GABRG3: variants seen among roughly 807,000 people sequenced by gnomAD.
GABRG3 encodes gamma-aminobutyric acid type A receptor subunit gamma3, also known as gamma-aminobutyric acid receptor subunit gamma-3.
GABRG3 carries 25 observed loss-of-function variants against 48.8 expected under a neutral mutation model. That is an observed-to-expected ratio of 0.51 (90% CI 0.37 to 0.72). The LOEUF is 0.72. GABRG3 is among the 30% of genes least tolerant of loss of function. The pLI is 0.00. For synonymous variants in GABRG3, 227 were observed against 217.6 expected, an observed-to-expected ratio of 1.04 and a Z score of -0.38; for missense variants, 394 against 577.9, an observed-to-expected ratio of 0.68 and a Z score of 3.26.
At chr15:27,234,746 A>G (rs535270844) in intron 3 of GABRG3, among the ~76,000 whole-genome samples, 1 of 152,230 alleles carries the variant, frequency 6.6e-6, no homozygotes, top group South Asian at 2.1e-4. Flanking sequence ...TCTCTTATGG[A>G]TGACTAAAGA....
intron 5 of GABRG3, among the ~76,000 whole-genome samples, chr15:27,391,869 G>A (rs1257878767): frequency 2.6e-5 from 4 of 152,194 alleles, no homozygotes; most frequent in Non-Finnish European, 5.9e-5. Context: ...CAATCAGCAT[G>A]AACTTAGGAG....
chr15:26,994,737 A>G (rs1391221597), intron 2 of GABRG3, among the ~76,000 whole-genome samples: 2 of 151,704 alleles, frequency 1.3e-5, no homozygotes, highest in African/African-American at 4.8e-5. Flanking sequence ...TGTGTTCTTC[A>G]TTTTCCACAC....
intron 2 of GABRG3, among the ~76,000 whole-genome samples, chr15:27,020,794 T>C (rs1895880188): frequency 6.6e-6 from 1 of 152,220 alleles, no homozygotes; most frequent in Admixed American, 6.5e-5. Context: ...CTCTCTACTT[T>C]TTCCTCTCCA....
At chr15:27,374,543 C>A (rs2140558831) in intron 5 of GABRG3, among the ~76,000 whole-genome samples, 1 of 152,250 alleles carries the variant, frequency 6.6e-6, no homozygotes, top group Middle Eastern at 3.4e-3. Context: ...TCCATACACC[C>A]TGGTTGTATA....
In GABRG3 at chr15:26,976,494, C is replaced by G. The variant is rs61999630; in HGVS notation, c.54-508C>G. On this transcript the variant is annotated intron_variant, in intron 1 of 9. Coordinates refer to ENST00000615808, the MANE Select transcript of GABRG3 (RefSeq NM_033223.5). The surrounding 1 kb of genome is among the most constrained non-coding windows in gnomAD (Gnocchi z 7.8). ...GCTCAAGTGCCTAGACCCCCAGATT[C>G]CCGCCTCCAAGAGAAGCACTGAGTC... Among the ~76,000 whole-genome samples the G allele has an allele frequency of 0.25, 38,667 of 152,046 alleles. 6,032 individuals carry two copies. The highest frequency in any genetic ancestry group is 0.35 in the Non-Finnish European group (23,870 of 67,964).
At chr15:27,154,789 C>CT (rs552476362) in intron 3 of GABRG3, among the ~76,000 whole-genome samples, 3 of 151,818 alleles carry the variant, frequency 2.0e-5, no homozygotes, top group Non-Finnish European at 2.9e-5. Flanking sequence ...TTGGTTTATA[C>CT]TTTTTTTTGT....
At chr15:26,984,688 G>GA (rs35422710) in intron 2 of GABRG3, among the ~76,000 whole-genome samples, 59,285 of 151,802 alleles carry the variant, frequency 0.39, 12,749 homozygotes, top group Middle Eastern at 0.56. Context: ...AACCTTTTAA[G>GA]AAAATCACGA....
At chr15:27,382,739 T>C (rs1483397765) in intron 5 of GABRG3, among the ~76,000 whole-genome samples, 1 of 152,108 alleles carries the variant, frequency 6.6e-6, no homozygotes, top group East Asian at 1.9e-4. Context: ...ATATAGTGGA[T>C]GCTATTTGAC....
chr15:27,302,220 C>A (rs989317390), intron 3 of GABRG3, among the ~76,000 whole-genome samples: 3 of 152,024 alleles, frequency 2.0e-5, no homozygotes, highest in Non-Finnish European at 4.4e-5. Context: ...TGATAGAATT[C>A]TCCATGTATG....
intron 2 of GABRG3, among the ~76,000 whole-genome samples, chr15:26,991,066 G>A (rs1019388810): frequency 5.3e-5 from 8 of 152,120 alleles, no homozygotes; most frequent in African/African-American, 1.9e-4. Flanking sequence ...GCCTCCCAAA[G>A]TGCTGTTATT....
chr15:27,053,991 G>C (rs996980503), intron 3 of GABRG3, among the ~76,000 whole-genome samples: 1 of 152,032 alleles, frequency 6.6e-6, no homozygotes, highest in Non-Finnish European at 1.5e-5. Context: ...GCCGGGTGTG[G>C]CGGCTCACGC....
intron 6 of GABRG3, among the ~76,000 whole-genome samples, chr15:27,485,249 C>T (rs908085079): frequency 2.6e-5 from 4 of 151,994 alleles, no homozygotes; most frequent in South Asian, 2.1e-4. Context: ...CTTGGGTTGG[C>T]GCATCAGTGA....
intron 3 of GABRG3, among the ~76,000 whole-genome samples, chr15:27,095,858 C>T (rs1313737711): frequency 6.6e-6 from 1 of 152,128 alleles, no homozygotes; most frequent in African/African-American, 2.4e-5. Context: ...ACACGGATGC[C>T]TGATCCCTTC....
chr15:27,032,848 C>G (rs12593189), intron 3 of GABRG3, among the ~76,000 whole-genome samples: 25,920 of 152,126 alleles, frequency 0.17, 2,569 homozygotes, highest in East Asian at 0.36. Flanking sequence ...CCTTGCCTCT[C>G]TGTAGGTCTG....
intron 5 of GABRG3, among the ~76,000 whole-genome samples, chr15:27,349,600 C>G (rs1415346786): frequency 6.6e-6 from 1 of 152,180 alleles, no homozygotes; most frequent in Non-Finnish European, 1.5e-5. Context: ...TTTGAATCTT[C>G]CAGCAAGAGA....
At chr15:26,990,763 A>G (rs975315285) in intron 2 of GABRG3, among the ~76,000 whole-genome samples, 2 of 149,004 alleles carry the variant, frequency 1.3e-5, no homozygotes, top group African/African-American at 2.5e-5. Flanking sequence ...TAGTAGTTCC[A>G]TATTTTAAGG....
At chr15:27,336,234 G>GAGAAA (rs1555372729) in intron 5 of GABRG3, among the ~76,000 whole-genome samples, 119 of 141,114 alleles carry the variant, frequency 8.4e-4, no homozygotes, top group African/African-American at 1.5e-3. Flanking sequence ...GAGAGAGAGA[G>GAGAAA]GAGAAGAAAA....
Position 26,974,394 on chromosome 15 carries a change from G to A in GABRG3, c.54-2608G>A, listed in dbSNP as rs932131255. 6.6e-6 allele frequency among the ~76,000 whole-genome samples: 1 copy of A among 152,130 alleles called. No individual in the cohort carries two copies. On this transcript the variant is annotated intron_variant, in intron 1 of 9. Coordinates refer to ENST00000615808, the MANE Select transcript of GABRG3 (RefSeq NM_033223.5). The surrounding 1 kb of genome is among the most constrained non-coding windows in gnomAD (Gnocchi z 4.3). Reference sequence around the variant, plus strand: ...TAAAAACTAAGGCTGCGTATATAGAGAATGATGAAAAGCTGGTTACTGTGC... The same window carrying A: ...TAAAAACTAAGGCTGCGTATATAGAAAATGATGAAAAGCTGGTTACTGTGC...
intron 2 of GABRG3, among the ~76,000 whole-genome samples, chr15:27,004,899 T>C (rs1214399854): frequency 2.0e-5 from 3 of 152,154 alleles, no homozygotes; most frequent in Non-Finnish European, 4.4e-5. Flanking sequence ...TCAGCTGGGC[T>C]GGACATACCT....
Sources: allele counts gnomAD v4.1 joint callset (sites outside exome capture counted in the v4.1 genomes callset), GRCh38; gene constraint gnomAD v4.1.1; non-coding constraint Gnocchi (gnomAD v3.1); transcripts MANE v1.5; gene names NCBI Gene and HGNC (gene_info 2026-07-23, HGNC 2026-07-21).